ADGRG3: variants seen among roughly 807,000 people sequenced by gnomAD.
The protein encoded by ADGRG3 is adhesion G protein-coupled receptor G3, also known as G protein-coupled receptor 97.
ADGRG3 carries 39 observed loss-of-function variants against 54.3 expected under a neutral mutation model. The ratio of observed to expected loss-of-function variants is 0.72; its 90% CI spans 0.56 to 0.94. The LOEUF is 0.94. Ranked by LOEUF, ADGRG3 falls within the 40% of genes least tolerant of loss-of-function variation. The pLI is 0.00. For missense variants in ADGRG3, 654 were observed against 694.6 expected, an observed-to-expected ratio of 0.94 and a Z score of 0.66; for synonymous variants, 312 against 290.0, an observed-to-expected ratio of 1.08 and a Z score of -0.77.
chr16:57,685,503 C>A, intron 10 of ADGRG3, 140 bp from the exon 11 acceptor site: 1 of 783,896 alleles, frequency 1.3e-6, no homozygotes, highest in Non-Finnish European at 2.1e-6. Context: ...ACGGCCCCTC[C>A]CACAGCGGGA....
intron 3 of ADGRG3, 81 bp from the exon 4 acceptor site, chr16:57,678,089 C>G: frequency 6.4e-7 from 1 of 1,561,532 alleles, no homozygotes; most frequent in Non-Finnish European, 8.7e-7. Flanking sequence ...AGTGTGCCTG[C>G]TTCCCCTCCC....
chr16:57,682,751 C>T (rs2048397211), intron 8 of ADGRG3: 1 of 523,284 alleles, frequency 1.9e-6, no homozygotes, highest in Non-Finnish European at 2.5e-6. Flanking sequence ...GGGAGGTGAG[C>T]CTGGTGAGTC....
In ADGRG3 at chr16:57,679,814, A is replaced by C. The variant is rs750480694; in HGVS notation, c.628-2A>C. Reference sequence around the variant, plus strand: ...CTCCTGACTTCCACTCTTCGGTTTCAGAACATGACCCTCACCTGTGTATTC... The same window carrying C: ...CTCCTGACTTCCACTCTTCGGTTTCCGAACATGACCCTCACCTGTGTATTC... On this transcript the variant is annotated splice_acceptor_variant, in intron 5 of 11. Transcript: ENST00000333493. LOFTEE classifies it high-confidence loss of function. 2 of 1,612,146 alleles carry C rather than the reference A, an allele frequency of 1.2e-6. No individual in the cohort carries two copies. The highest frequency in any genetic ancestry group is 3.3e-5 in the Admixed American group (2 of 59,932).
At chr16:57,679,954 C>A in intron 6 of ADGRG3, 99 bp downstream of exon 6, 1 of 915,388 alleles carries the variant, frequency 1.1e-6, no homozygotes. Context: ...CCCTCCCCTG[C>A]CTTCCTCTCC....
intron 2 of ADGRG3, among the ~76,000 whole-genome samples, chr16:57,674,097 G>A (rs2048213802): frequency 6.6e-6 from 1 of 152,030 alleles, no homozygotes; most frequent in Non-Finnish European, 1.5e-5. Flanking sequence ...CGCAGGGAGA[G>A]TATAGTCAAC....
At chr16:57,679,039 G>GGCAA in intron 4 of ADGRG3, 138 bp from the exon 5 acceptor site, 1 of 985,226 alleles carries the variant, frequency 1.0e-6, no homozygotes, top group Non-Finnish European at 1.5e-6. Flanking sequence ...GTGACTCCTT[G>GGCAA]GCTCCCTGGT....
upstream of ADGRG3, chr16:57,668,248 G>C (rs1034686884): frequency 3.9e-5 from 36 of 925,236 alleles, no homozygotes; most frequent in Middle Eastern, 5.7e-4. Context: ...GGAAGCCAGA[G>C]TGGTGGGGCT....
chr16:57,674,718 TCA>T, intron 2 of ADGRG3: 1 of 336,878 alleles, frequency 3.0e-6, no homozygotes, highest in South Asian at 2.2e-5. Flanking sequence ...GCACGGCGGC[TCA>T]CACAAGTAAT....
chr16:57,669,232 C>T (rs1396102410), intron 1 of ADGRG3, among the ~76,000 whole-genome samples: 1 of 152,270 alleles, frequency 6.6e-6, no homozygotes, highest in Non-Finnish European at 1.5e-5. Flanking sequence ...ATGTCCATCT[C>T]CCTGTGTGTC....
At position 57,668,339 on chromosome 16, in the gene ADGRG3, T is replaced by C. The variant is rs1172290593; in HGVS notation, c.-9T>C. 5 of 1,565,764 alleles carry C rather than the reference T, an allele frequency of 3.2e-6. No homozygotes were observed. In the South Asian group the frequency reaches 5.8e-5, roughly 18 times the overall value. On this transcript the variant is annotated 5_prime_UTR_variant, in exon 1 of 12. Coordinates refer to ENST00000333493, the MANE Select transcript of ADGRG3 (RefSeq NM_170776.5). The stretch of plus-strand genomic sequence containing the variant: ...ACAGAGCTCCTGGCGTGGGCAAGGC[T>C]GGCCAAGGATGGCGACGCCCAGGGG...
intron 3 of ADGRG3, among the ~76,000 whole-genome samples, chr16:57,677,496 C>T (rs1328603870): frequency 1.3e-5 from 2 of 152,148 alleles, no homozygotes; most frequent in African/African-American, 4.8e-5. Context: ...GCAGGAGAAT[C>T]GCTTGAACCT....
At chr16:57,671,796 G>T (rs1220059405) in intron 1 of ADGRG3, among the ~76,000 whole-genome samples, 1 of 152,144 alleles carries the variant, frequency 6.6e-6, no homozygotes, top group East Asian at 1.9e-4. Flanking sequence ...GGTTAAAAAA[G>T]TGTTGCAATG....
intron 1 of ADGRG3, among the ~76,000 whole-genome samples, chr16:57,669,859 A>G (rs1223736000): frequency 6.6e-6 from 1 of 152,066 alleles, no homozygotes; most frequent in Non-Finnish European, 1.5e-5. Context: ...CAAGGGGTGG[A>G]TGCAATGGAG....
At chr16:57,667,288 G>A (rs1186582877), upstream of ADGRG3, among the ~76,000 whole-genome samples, 1 of 152,236 alleles carries the variant, frequency 6.6e-6, no homozygotes, top group Non-Finnish European at 1.5e-5. Context: ...TGGGCCAGAG[G>A]GGGATGCCAG....
In ADGRG3 at chr16:57,673,477, GC is replaced by G; in HGVS notation, c.206+14del. 6.3e-7 allele frequency: 1 copy of G among 1,591,478 alleles called. No individual in the cohort carries two copies. Among genetic ancestry groups the G allele is most frequent in the Non-Finnish European group, 8.6e-7 (1 of 1,161,782 alleles). The stretch of plus-strand genomic sequence containing the variant: ...GTGGAAAACTTGCAGAGGTGAGGGG[GC>G]CCCCTGAGCTGGAGGGGGAATCTGA... On this transcript the variant is annotated intron_variant, in intron 2 of 11. Coordinates refer to ENST00000333493, the MANE Select transcript of ADGRG3 (RefSeq NM_170776.5).
At chr16:57,684,809 C>T (rs148154372) in intron 10 of ADGRG3, among the ~76,000 whole-genome samples, 47 of 152,274 alleles carry the variant, frequency 3.1e-4, no homozygotes, top group African/African-American at 8.7e-4. Flanking sequence ...CGTCCGCATG[C>T]GGGGTGCGCA....
intron 8 of ADGRG3, among the ~76,000 whole-genome samples, chr16:57,683,560 C>T (rs190158806): frequency 1.2e-4 from 19 of 152,302 alleles, no homozygotes; most frequent in African/African-American, 3.8e-4. Flanking sequence ...CTTGCTCACC[C>T]GTCCCATTCA....
chr16:57,688,238 G>T, intron 11 of ADGRG3, 114 bp from the exon 12 acceptor site: 2 of 707,014 alleles, frequency 2.8e-6, no homozygotes, highest in Non-Finnish European at 5.2e-6. Context: ...GCCTTTCCCA[G>T]CAGTTCTTGA....
At chr16:57,675,325 T>C (rs1202112069) in intron 2 of ADGRG3, among the ~76,000 whole-genome samples, 2 of 151,448 alleles carry the variant, frequency 1.3e-5, no homozygotes, top group African/African-American at 2.4e-5. Flanking sequence ...CAAAAAATAA[T>C]TTAAAAAAAG....
Sources: allele counts gnomAD v4.1 joint callset (sites outside exome capture counted in the v4.1 genomes callset), GRCh38; gene constraint gnomAD v4.1.1; transcripts MANE v1.5; gene names NCBI Gene and HGNC (gene_info 2026-07-23, HGNC 2026-07-21).